Variants in STARD13 observed in about 807,000 individuals in gnomAD.
The protein encoded by STARD13 is stAR-related lipid transfer protein 13.
Under a neutral mutation model 106.4 loss-of-function variants are expected in STARD13, and 62 were observed. That is an observed-to-expected ratio of 0.58 (90% CI 0.48 to 0.72). The LOEUF is 0.72. Ranked by LOEUF, STARD13 falls within the 30% of genes least tolerant of loss-of-function variation. The probability of loss-of-function intolerance (pLI) is 0.00; values close to 1 mark genes in which losing one functional copy is unlikely to be tolerated. For synonymous variants in STARD13, 565 were observed against 553.0 expected, an observed-to-expected ratio of 1.02 and a Z score of -0.31; for missense variants, 1,387 against 1,424.0, an observed-to-expected ratio of 0.97 and a Z score of 0.42.
intron 1 of STARD13, among the ~76,000 whole-genome samples, chr13:33,308,602 C>A (rs1342715289): frequency 7.3e-6 from 1 of 136,992 alleles, no homozygotes; most frequent in Non-Finnish European, 1.5e-5. Flanking sequence ...CAGCTCACTG[C>A]AACCCTTACC....
the STARD13 span, among the ~76,000 whole-genome samples, chr13:33,433,921 C>T: frequency 1.3e-5 from 2 of 152,084 alleles, no homozygotes; most frequent in South Asian, 2.1e-4. Context: ...AGTCACAATG[C>T]CCACTCAATA....
chr13:33,338,528 C>T (rs533407233), intron 1 of STARD13, among the ~76,000 whole-genome samples: 14 of 152,020 alleles, frequency 9.2e-5, no homozygotes, highest in Admixed American at 2.6e-4. Flanking sequence ...ACTAATGGAT[C>T]GATACGAGAT....
the STARD13 span, among the ~76,000 whole-genome samples, chr13:33,432,870 A>C: frequency 6.6e-6 from 1 of 152,234 alleles, no homozygotes; most frequent in Non-Finnish European, 1.5e-5. Flanking sequence ...ATGTGGGCAT[A>C]CTATAGAATC....
chr13:33,259,944 C>T (rs150181872), intron 1 of STARD13, among the ~76,000 whole-genome samples: 224 of 145,984 alleles, frequency 1.5e-3, no homozygotes, highest in African/African-American at 5.6e-3. Flanking sequence ...TGCAGTGAGC[C>T]GAGATCGTGC....
the STARD13 span, among the ~76,000 whole-genome samples, chr13:33,630,917 T>C: frequency 1.3e-5 from 2 of 152,220 alleles, no homozygotes; most frequent in Non-Finnish European, 2.9e-5. Flanking sequence ...GTTACTGAGA[T>C]AGAAAGATTC....
the STARD13 span, among the ~76,000 whole-genome samples, chr13:33,532,009 G>A: frequency 6.6e-6 from 1 of 152,100 alleles, no homozygotes; most frequent in Admixed American, 6.6e-5. Context: ...TCTTTTTAGT[G>A]ATTATATACT....
chr13:33,125,987 T>G (rs1175022660), intron 7 of STARD13, 94 bp downstream of exon 7: 1 of 1,404,254 alleles, frequency 7.1e-7, no homozygotes, highest in Admixed American at 1.8e-5. Context: ...ATGTCTTGCC[T>G]GATATTGGGC....
chr13:33,414,850 A>G, the STARD13 span, among the ~76,000 whole-genome samples: 1 of 151,094 alleles, frequency 6.6e-6, no homozygotes, highest in East Asian at 2.0e-4. Flanking sequence ...CTGTCATATT[A>G]GAAAACATTT....
At chr13:33,359,295 C>T in the STARD13 span, among the ~76,000 whole-genome samples, 5 of 152,096 alleles carry the variant, frequency 3.3e-5, no homozygotes, top group Admixed American at 3.3e-4. Context: ...GAGAAACGAA[C>T]AACTCCAGAC....
At chr13:33,301,401 C>A (rs1291027922) in intron 1 of STARD13, among the ~76,000 whole-genome samples, 2 of 152,114 alleles carry the variant, frequency 1.3e-5, no homozygotes, top group Non-Finnish European at 2.9e-5. Flanking sequence ...GACTTTCTGT[C>A]CTAATTAATG....
chr13:33,653,535 G>A, the STARD13 span, among the ~76,000 whole-genome samples: 1,936 of 152,140 alleles, frequency 0.013, 45 homozygotes, highest in African/African-American at 0.044. Flanking sequence ...AACTCGAAAT[G>A]GACCAAATAC....
the STARD13 span, among the ~76,000 whole-genome samples, chr13:33,437,408 G>A: frequency 2.0e-5 from 3 of 152,128 alleles, no homozygotes; most frequent in Non-Finnish European, 4.4e-5. Context: ...GCCCCTGGCC[G>A]AATAAACCCC....
At position 33,130,021 on chromosome 13, in the gene STARD13, T is replaced by C. The variant is rs776569527; in HGVS notation, c.656A>G (p.Asn219Ser). The change falls in exon 5 of 14, where the codon AAC becomes AGC. Residue 219 changes from asparagine (N) to serine (S), a missense_variant. Asn to Ser is a conservative substitution (Grantham distance 46). Transcript: ENST00000336934. The surrounding 1 kb of genome is among the most constrained non-coding windows in gnomAD (Gnocchi z 4.1). Reference protein sequence around the residue: ...RSQPGQCCTDNPVMLDAPLVS... With the variant: ...RSQPGQCCTDSPVMLDAPLVS... ...GAGTGGGGCATCCAGCATGACCGGG[T>C]TGTCTGTACAGCACTGGCCCGGCTG... 11 of 1,613,078 alleles carry C rather than the reference T, an allele frequency of 6.8e-6. No individual in the cohort carries two copies. The Admixed American group carries it at 1.8e-4, about 27-fold the overall frequency.
At chr13:33,328,418 A>G (rs575189660) in intron 1 of STARD13, among the ~76,000 whole-genome samples, 1 of 152,374 alleles carries the variant, frequency 6.6e-6, no homozygotes, top group African/African-American at 2.4e-5. Flanking sequence ...AATGAAATAA[A>G]ATAATGCACG....
chr13:33,365,429 A>G, the STARD13 span, among the ~76,000 whole-genome samples: 1 of 152,202 alleles, frequency 6.6e-6, no homozygotes, highest in Non-Finnish European at 1.5e-5. Context: ...CTGCACAGTT[A>G]TAAGGTTAAA....
chr13:33,406,492 C>G, the STARD13 span, among the ~76,000 whole-genome samples: 2 of 152,174 alleles, frequency 1.3e-5, 1 homozygote, highest in Admixed American at 1.3e-4. Flanking sequence ...ACTAACTGAT[C>G]AACACATAAC....
chr13:33,187,279 G>A (rs1594073610), intron 1 of STARD13, among the ~76,000 whole-genome samples: 1 of 152,210 alleles, frequency 6.6e-6, no homozygotes, highest in Non-Finnish European at 1.5e-5. Context: ...GAGTTGCTGA[G>A]AACTGCCCAC....
chr13:33,656,495 A>G, the STARD13 span, among the ~76,000 whole-genome samples: 4 of 152,194 alleles, frequency 2.6e-5, no homozygotes, highest in Non-Finnish European at 5.9e-5. Context: ...AAATTAGGTT[A>G]TGAGTTTCTC....
intron 1 of STARD13, among the ~76,000 whole-genome samples, chr13:33,214,692 G>GCGCACACACA (rs1887924125): frequency 2.9e-5 from 3 of 103,236 alleles, no homozygotes; most frequent in African/African-American, 1.3e-4. Flanking sequence ...ACACACACAT[G>GCGCACACACA]CACACATACA....
Sources: gnomAD v4.1 joint callset for allele counts (sites outside exome capture counted in the v4.1 genomes callset) on GRCh38, gnomAD v4.1.1 for gene constraint, Gnocchi (gnomAD v3.1) non-coding constraint, MANE v1.5 for transcripts, NCBI Gene and HGNC (gene_info 2026-07-23, HGNC 2026-07-21) for gene names.